MECOM: variants seen among roughly 807,000 people sequenced by gnomAD.
MECOM encodes MDS1 and EVI1 complex locus.
MECOM carries 13 observed loss-of-function variants against 116.3 expected under a neutral mutation model. That is an observed-to-expected ratio of 0.11 (90% CI 0.07 to 0.18). The LOEUF is 0.18. Ranked by LOEUF, MECOM falls within the 10% of genes least tolerant of loss-of-function variation. MECOM has a pLI of 1.00. For missense variants in MECOM, 1,299 were observed against 1,509.0 expected (o/e 0.86, Z 2.31); for synonymous variants, 528 against 535.2 (o/e 0.99, Z 0.19).
At chr3:169,121,362 T>C (rs543201775) in intron 6 of MECOM, 153 bp from the exon 7 acceptor site, 27 of 717,514 alleles carry the variant, frequency 3.8e-5, no homozygotes, top group Admixed American at 1.8e-4. Flanking sequence ...TTCCAAAATG[T>C]ACTCTCCTCT....
intron 2 of MECOM, among the ~76,000 whole-genome samples, chr3:169,349,831 A>T (rs1174848800): frequency 6.6e-6 from 1 of 151,942 alleles, no homozygotes; most frequent in East Asian, 1.9e-4. Flanking sequence ...TCATTTTCCT[A>T]TCAAGGCTTC....
chr3:169,597,482 T>G (rs1229447624), intron 1 of MECOM, among the ~76,000 whole-genome samples: 1 of 152,224 alleles, frequency 6.6e-6, no homozygotes, highest in Non-Finnish European at 1.5e-5. Context: ...TTATGGGGCC[T>G]GCAGAAAGAA....
At chr3:169,292,722 A>T (rs970555846) in intron 2 of MECOM, among the ~76,000 whole-genome samples, 15 of 152,186 alleles carry the variant, frequency 9.9e-5, no homozygotes, top group Non-Finnish European at 2.2e-4. Context: ...ATCTCTACCC[A>T]GTGACCATTC....
chr3:169,444,214 A>G (rs1744219128), intron 1 of MECOM, among the ~76,000 whole-genome samples: 2 of 152,154 alleles, frequency 1.3e-5, no homozygotes, highest in Non-Finnish European at 2.9e-5. Context: ...AGATACCTGA[A>G]AGCCTTTACC....
chr3:169,601,773 A>G (rs1047155568), intron 1 of MECOM, among the ~76,000 whole-genome samples: 1 of 152,228 alleles, frequency 6.6e-6, no homozygotes, highest in Non-Finnish European at 1.5e-5. Flanking sequence ...TATGCAAAAG[A>G]CACAAGTAAC....
chr3:169,319,235 C>T (rs12106939), intron 2 of MECOM, among the ~76,000 whole-genome samples: 79,467 of 152,082 alleles, frequency 0.52, 22,291 homozygotes, highest in East Asian at 0.83. Context: ...CCATGCAATA[C>T]TATGCAGCCA....
At chr3:169,488,575 A>C (rs1435166574) in intron 1 of MECOM, among the ~76,000 whole-genome samples, 1 of 151,790 alleles carries the variant, frequency 6.6e-6, no homozygotes, top group Non-Finnish European at 1.5e-5. Flanking sequence ...AAAGTAATAA[A>C]AACACTATTT....
At chr3:169,579,801 A>G (rs1576975159) in intron 1 of MECOM, among the ~76,000 whole-genome samples, 1 of 152,186 alleles carries the variant, frequency 6.6e-6, no homozygotes, top group East Asian at 1.9e-4. Context: ...GTGAAATCCC[A>G]ACTAGCTGAT....
intron 1 of MECOM, among the ~76,000 whole-genome samples, chr3:169,565,614 C>T (rs1015640761): frequency 6.6e-6 from 1 of 152,210 alleles, no homozygotes; most frequent in African/African-American, 2.4e-5. Context: ...TACCCAGGCC[C>T]TGAGACTTCC....
At chr3:169,601,239 G>T (rs1767797512) in intron 1 of MECOM, among the ~76,000 whole-genome samples, 1 of 152,142 alleles carries the variant, frequency 6.6e-6, no homozygotes. Flanking sequence ...AAATAGTCCA[G>T]GGCAAATCTC....
chr3:169,634,049 A>G (rs1772423818), intron 1 of MECOM, among the ~76,000 whole-genome samples: 1 of 152,146 alleles, frequency 6.6e-6, no homozygotes, highest in Non-Finnish European at 1.5e-5. Context: ...ACAGAACAGG[A>G]CTGCCAGCCA....
chr3:169,118,891 C>T (rs935275797), intron 7 of MECOM, among the ~76,000 whole-genome samples: 1 of 152,180 alleles, frequency 6.6e-6, no homozygotes, highest in African/African-American at 2.4e-5. Flanking sequence ...CACTTGAAGG[C>T]CTGGCCTGGC....
chr3:169,432,605 G>A (rs533744796), intron 1 of MECOM, among the ~76,000 whole-genome samples: 1 of 152,140 alleles, frequency 6.6e-6, no homozygotes, highest in Non-Finnish European at 1.5e-5. Context: ...AAATATGAAG[G>A]TTCATCATGT....
chr3:169,662,890 C>A (rs1776496495), intron 1 of MECOM, among the ~76,000 whole-genome samples: 1 of 151,820 alleles, frequency 6.6e-6, no homozygotes, highest in Admixed American at 6.5e-5. Context: ...ATCCCCCGCG[C>A]CCCCCTCCTC....
chr3:169,274,572 A>T (rs1263176691), intron 2 of MECOM, among the ~76,000 whole-genome samples: 2 of 152,156 alleles, frequency 1.3e-5, no homozygotes, highest in African/African-American at 4.8e-5. Flanking sequence ...AAATAGAACT[A>T]AAGGGGGTAG....
chr3:169,305,917 G>A (rs1717607665), intron 2 of MECOM, among the ~76,000 whole-genome samples: 1 of 151,354 alleles, frequency 6.6e-6, no homozygotes, highest in Non-Finnish European at 1.5e-5. Context: ...TATTGGGAAT[G>A]TCTCTCCACC....
chr3:169,311,478 G>T (rs886666408), intron 2 of MECOM, among the ~76,000 whole-genome samples: 2 of 152,112 alleles, frequency 1.3e-5, no homozygotes, highest in Non-Finnish European at 2.9e-5. Flanking sequence ...CAAATGATTA[G>T]CTTGTAGTGC....
intron 1 of MECOM, among the ~76,000 whole-genome samples, chr3:169,413,478 GTTTTTTTTTTTATT>G (rs1480587687): frequency 1.0e-5 from 1 of 97,064 alleles, no homozygotes; most frequent in Non-Finnish European, 2.1e-5. Flanking sequence ...TTTTTTTTTT[GTTTTTTTTTTTATT>G]TTTTTTTTTG....
intron 2 of MECOM, among the ~76,000 whole-genome samples, chr3:169,276,316 C>T (rs1417501254): frequency 1.3e-5 from 2 of 152,152 alleles, no homozygotes; most frequent in African/African-American, 4.8e-5. Flanking sequence ...CTTTGGGAGG[C>T]CAAGGCAGGA....
Sources: allele counts gnomAD v4.1 joint callset (sites outside exome capture counted in the v4.1 genomes callset), GRCh38; gene constraint gnomAD v4.1.1; transcripts MANE v1.5; gene names NCBI Gene and HGNC (gene_info 2026-07-23, HGNC 2026-07-21).